The following DCC variants were observed in gnomAD, a reference collection of about 807,000 sequenced individuals.
The protein encoded by DCC is DCC netrin 1 receptor, also known as netrin receptor DCC.
Under a neutral mutation model 172.5 loss-of-function variants are expected in DCC, and 58 were observed. The observed-to-expected ratio is 0.34, with a 90% CI of 0.27 to 0.42. DCC has a LOEUF of 0.42. DCC is among the 10% of genes least tolerant of loss of function. The probability of loss-of-function intolerance (pLI) is 1.00; values close to 1 mark genes in which losing one functional copy is unlikely to be tolerated. For synonymous variants in DCC, 709 were observed against 644.5 expected (o/e 1.10, Z -1.52); for missense variants, 1,740 against 1,791.0 (o/e 0.97, Z 0.51).
intron 1 of DCC, among the ~76,000 whole-genome samples, chr18:52,424,175 G>C (rs1343821988): frequency 1.3e-5 from 2 of 152,106 alleles, no homozygotes; most frequent in Non-Finnish European, 2.9e-5. Flanking sequence ...CTTTAAAACT[G>C]AATATTATAT....
At chr18:52,509,211 T>C (rs991160035) in intron 1 of DCC, among the ~76,000 whole-genome samples, 2 of 152,208 alleles carry the variant, frequency 1.3e-5, no homozygotes, top group Admixed American at 6.5e-5. Context: ...GAACAACTAA[T>C]TTATTTGTAA....
At chr18:52,502,608 T>C (rs1204834008) in intron 1 of DCC, among the ~76,000 whole-genome samples, 1 of 152,176 alleles carries the variant, frequency 6.6e-6, no homozygotes, top group African/African-American at 2.4e-5. Context: ...GTAAAGGATA[T>C]TGTATCATGC....
chr18:52,468,546 T>C (rs975303366), intron 1 of DCC, among the ~76,000 whole-genome samples: 2 of 152,234 alleles, frequency 1.3e-5, no homozygotes, highest in Non-Finnish European at 2.9e-5. Flanking sequence ...ATTAATTTAT[T>C]TGGTTTTCTT....
intron 12 of DCC, among the ~76,000 whole-genome samples, chr18:53,300,430 G>A (rs575755656): frequency 6.6e-6 from 1 of 152,124 alleles, no homozygotes; most frequent in Admixed American, 6.5e-5. Context: ...GCTTTTGGTT[G>A]GTGATTTTTC....
At chr18:52,441,989 A>G (rs1987985515) in intron 1 of DCC, among the ~76,000 whole-genome samples, 1 of 152,168 alleles carries the variant, frequency 6.6e-6, no homozygotes, top group Admixed American at 6.5e-5. Flanking sequence ...TCCATCATAG[A>G]GAAGTAGCTT....
chr18:53,316,544 T>C (rs1487600648), intron 13 of DCC, among the ~76,000 whole-genome samples: 1 of 152,208 alleles, frequency 6.6e-6, no homozygotes, highest in Non-Finnish European at 1.5e-5. Context: ...TAAATTACTT[T>C]TGGCAGTATG....
At chr18:53,402,658 T>C in intron 18 of DCC, 128 bp from the exon 19 acceptor site, 1 of 780,166 alleles carries the variant, frequency 1.3e-6, no homozygotes. Context: ...AAATAAACTG[T>C]AAATGGCAAA....
chr18:52,730,292 T>C (rs2036618131), intron 1 of DCC, among the ~76,000 whole-genome samples: 1 of 151,980 alleles, frequency 6.6e-6, no homozygotes, highest in Non-Finnish European at 1.5e-5. Context: ...GTGTTAGACA[T>C]CCTATAATGC....
At chr18:53,366,080 G>A (rs2058001747) in intron 15 of DCC, among the ~76,000 whole-genome samples, 1 of 151,232 alleles carries the variant, frequency 6.6e-6, no homozygotes, top group East Asian at 1.9e-4. Context: ...TTTTGAGACA[G>A]GGTTTCACTC....
intron 7 of DCC, among the ~76,000 whole-genome samples, chr18:53,116,310 A>C (rs911234079): frequency 6.6e-6 from 1 of 151,748 alleles, no homozygotes; most frequent in Admixed American, 6.6e-5. Context: ...TGGGAGTTTA[A>C]ATACCCCCTA....
chr18:52,491,757 C>T (rs58292683), intron 1 of DCC, among the ~76,000 whole-genome samples: 2,843 of 152,054 alleles, frequency 0.019, 95 homozygotes, highest in African/African-American at 0.065. Flanking sequence ...GGGAAACTCA[C>T]GAATGCTTAG....
At chr18:52,975,202 G>A (rs565853658) in intron 5 of DCC, among the ~76,000 whole-genome samples, 1 of 152,292 alleles carries the variant, frequency 6.6e-6, no homozygotes, top group African/African-American at 2.4e-5. Flanking sequence ...AGAGATCCAA[G>A]ATCAAGGTGC....
chr18:52,731,670 G>A (rs2036644935), intron 1 of DCC, among the ~76,000 whole-genome samples: 1 of 152,096 alleles, frequency 6.6e-6, no homozygotes, highest in South Asian at 2.1e-4. Flanking sequence ...AGGTGCAGCA[G>A]GAAGGAAATT....
intron 9 of DCC, among the ~76,000 whole-genome samples, chr18:53,182,961 T>C (rs1010604118): frequency 3.3e-5 from 5 of 152,298 alleles, no homozygotes; most frequent in Non-Finnish European, 7.4e-5. Flanking sequence ...TTCATCAATA[T>C]TTCTTTTCTG....
intron 2 of DCC, among the ~76,000 whole-genome samples, chr18:52,759,602 T>A (rs906196790): frequency 1.3e-5 from 2 of 152,042 alleles, no homozygotes; most frequent in African/African-American, 4.8e-5. Flanking sequence ...CTAACACAAC[T>A]CAGTAATAGT....
intron 18 of DCC, among the ~76,000 whole-genome samples, chr18:53,402,021 C>G (rs957811119): frequency 8.5e-5 from 13 of 152,094 alleles, no homozygotes; most frequent in African/African-American, 3.1e-4. Context: ...TCATGTGTGC[C>G]TTCCTGTTGG....
At chr18:53,272,089 A>C (rs1248777787) in intron 12 of DCC, among the ~76,000 whole-genome samples, 1 of 152,116 alleles carries the variant, frequency 6.6e-6, no homozygotes, top group African/African-American at 2.4e-5. Context: ...GAGGGTTAAG[A>C]AACTTAGTAT....
intron 5 of DCC, among the ~76,000 whole-genome samples, chr18:53,051,169 G>T (rs757705397): frequency 3.9e-5 from 6 of 152,112 alleles, no homozygotes; most frequent in Non-Finnish European, 7.4e-5. Flanking sequence ...GGTCGAGGCT[G>T]CAGTGAGCCA....
intron 1 of DCC, among the ~76,000 whole-genome samples, chr18:52,631,314 A>G (rs1408264404): frequency 6.6e-6 from 1 of 152,246 alleles, no homozygotes; most frequent in Non-Finnish European, 1.5e-5. Flanking sequence ...AAAAAAATAA[A>G]AAACAGAAAA....
Sources: gnomAD v4.1 joint callset for allele counts (sites outside exome capture counted in the v4.1 genomes callset) on GRCh38, gnomAD v4.1.1 for gene constraint, MANE v1.5 for transcripts, NCBI Gene and HGNC (gene_info 2026-07-23, HGNC 2026-07-21) for gene names.